DHRSX: variants seen among roughly 807,000 people sequenced by gnomAD.
DHRSX encodes the protein dehydrogenase/reductase X-linked.
DHRSX carries 31 observed loss-of-function variants against 34.0 expected under a neutral mutation model. The observed-to-expected ratio is 0.91, with a 90% CI of 0.69 to 1.23. DHRSX has a LOEUF of 1.23. Among genes scored for constraint, DHRSX ranks in the 50% most tolerant of loss-of-function variants. The pLI is 0.00. For synonymous variants in DHRSX, 201 were observed against 183.8 expected (o/e 1.09, Z -0.76); for missense variants, 414 against 428.1 (o/e 0.97, Z 0.29).
intron 1 of DHRSX, among the ~76,000 whole-genome samples, chrX:2,438,286 G>A (rs137855256): frequency 0.027 from 3,795 of 140,910 alleles, 58 homozygotes; most frequent in South Asian, 0.058. Flanking sequence ...GCTTCATATA[G>A]TTACACATTA....
rs955933400 is a variant in DHRSX at position 2,242,949 on chromosome X, G to T, written c.804+74C>A. ...CGAGATCCAAGAACCCTCCCTTGGG[G>T]TCTGGACTGGGGACCCCCTTTCCTG... On this transcript the variant is annotated intron_variant, in intron 6 of 6. Transcript: ENST00000334651. The T allele has an allele frequency of 4.1e-5, 59 of 1,450,844 alleles. No homozygotes were observed. The African/African-American group carries it at 7.8e-4, about 19-fold the overall frequency. 89.9% of individuals were successfully genotyped at this position (1,450,844 alleles called of 1,614,324 possible). A position where few individuals can be genotyped will look rare whatever the true frequency, so the allele number is the denominator to read the frequency against.
rs762541423 is a variant in DHRSX, at chrX:2,242,200, T to C, written c.804+823A>G. On this transcript the variant is annotated intron_variant, in intron 6 of 6. Coordinates refer to ENST00000334651, the MANE Select transcript of DHRSX (RefSeq NM_145177.3). ...AGGGCAATTGTATTTTGTGCGTTGA[T>C]TTTTCAGCAAACCTTCAAATGGCAA... 2.6e-5 allele frequency among the ~76,000 whole-genome samples: 4 copies of C among 152,224 alleles called. No individual in the cohort carries two copies. In the South Asian group the frequency reaches 8.3e-4, roughly 32 times the overall value.
chrX:2,348,260 G>A (rs2042745167), intron 3 of DHRSX, among the ~76,000 whole-genome samples: 1 of 152,224 alleles, frequency 6.6e-6, no homozygotes, highest in Non-Finnish European at 1.5e-5. Flanking sequence ...GTTGGACTCT[G>A]TGTTCTGGCC....
chrX:2,244,033 A>C (rs993021511), intron 5 of DHRSX, among the ~76,000 whole-genome samples: 15 of 151,872 alleles, frequency 9.9e-5, no homozygotes, highest in African/African-American at 3.6e-4. Flanking sequence ...GGCCTCCCAA[A>C]GTGCTGGGAT....
chrX:2,326,809 C>CT (rs776129131), intron 3 of DHRSX, among the ~76,000 whole-genome samples: 4,686 of 144,578 alleles, frequency 0.032, 114 homozygotes, highest in South Asian at 0.06. Context: ...TTCAGTTTTT[C>CT]TTTTTTTTTT....
intron 5 of DHRSX, among the ~76,000 whole-genome samples, chrX:2,260,597 T>C (rs1263568403): frequency 6.6e-6 from 1 of 151,972 alleles, no homozygotes; most frequent in East Asian, 1.9e-4. Context: ...GTACCTGGGA[T>C]TACAGACGCG....
At chrX:2,346,724 T>C (rs62583729) in intron 3 of DHRSX, among the ~76,000 whole-genome samples, 24,860 of 151,798 alleles carry the variant, frequency 0.16, 2,227 homozygotes, top group Admixed American at 0.21. Flanking sequence ...TAGGTATCCA[T>C]GTGCCATGGT....
chrX:2,444,330 A>C (rs1192602135), intron 1 of DHRSX, among the ~76,000 whole-genome samples: 2 of 152,172 alleles, frequency 1.3e-5, no homozygotes, highest in African/African-American at 2.4e-5. Context: ...CTAAACATTT[A>C]TATTCAGTAA....
At chrX:2,325,300 T>TA (rs1184458341) in intron 3 of DHRSX, among the ~76,000 whole-genome samples, 2 of 151,868 alleles carry the variant, frequency 1.3e-5, no homozygotes, top group African/African-American at 4.8e-5. Flanking sequence ...AACTAGGGAC[T>TA]AGACACGTTC....
chrX:2,471,472 C>A (rs868241135), intron 1 of DHRSX, among the ~76,000 whole-genome samples: 1 of 151,384 alleles, frequency 6.6e-6, no homozygotes, highest in Non-Finnish European at 1.5e-5. Context: ...GAGACTGAGG[C>A]AGAATTGCTC....
intron 1 of DHRSX, chrX:2,487,230 T>C (rs1157584863): frequency 6.6e-6 from 1 of 152,162 alleles, no homozygotes; most frequent in Non-Finnish European, 1.5e-5. Context: ...TGGTATTCAG[T>C]TTAAAAGAGA....
intron 3 of DHRSX, chrX:2,337,989 C>T (rs2042590431): frequency 7.1e-6 from 1 of 140,102 alleles, no homozygotes. Context: ...AGTTCCACCG[C>T]TGTGCCTCAG....
At chrX:2,259,413 G>C (rs1471361079) in intron 5 of DHRSX, among the ~76,000 whole-genome samples, 1 of 145,778 alleles carries the variant, frequency 6.9e-6, no homozygotes, top group Non-Finnish European at 1.5e-5. Context: ...TATAGATATA[G>C]ATATATACAA....
intron 3 of DHRSX, among the ~76,000 whole-genome samples, chrX:2,356,251 T>A (rs2042850311): frequency 6.6e-6 from 1 of 151,990 alleles, no homozygotes; most frequent in African/African-American, 2.4e-5. Flanking sequence ...GGTGGGCACC[T>A]GTAATCCCAG....
chrX:2,275,093 TTGTA>T (rs1464837698), intron 4 of DHRSX, among the ~76,000 whole-genome samples: 2 of 152,160 alleles, frequency 1.3e-5, no homozygotes, highest in African/African-American at 4.8e-5. Flanking sequence ...CTGTAGGCTT[TTGTA>T]TGTGTTTTAA....
chrX:2,496,445 C>T lies in DHRSX; in HGVS notation c.109+4372G>A, dbSNP rs760262267. On this transcript the variant is annotated intron_variant, in intron 1 of 6. Transcript: ENST00000334651. ...AACTCCTGAGCTCAGGCAATCCACC[C>T]GCCTCAGCCTCCCAAAGTGCTGGGA... 2.6e-5 allele frequency among the ~76,000 whole-genome samples: 4 copies of T among 152,210 alleles called. No individual in the cohort carries two copies. In the East Asian group the frequency reaches 5.8e-4, roughly 22 times the overall value.
intron 1 of DHRSX, among the ~76,000 whole-genome samples, chrX:2,461,279 G>A (rs1049308717): frequency 9.9e-5 from 15 of 152,128 alleles, no homozygotes; most frequent in Non-Finnish European, 1.6e-4. Flanking sequence ...GGGTAAGAAC[G>A]CACAAGCTAA....
intron 6 of DHRSX, among the ~76,000 whole-genome samples, chrX:2,232,571 A>T (rs1326028217): frequency 1.3e-5 from 2 of 150,982 alleles, no homozygotes; most frequent in Non-Finnish European, 2.9e-5. Flanking sequence ...AAGAATCAGC[A>T]TTTTTTTTTA....
intron 1 of DHRSX, among the ~76,000 whole-genome samples, chrX:2,444,330 AT>A (rs2034112812): frequency 6.6e-6 from 1 of 152,172 alleles, no homozygotes; most frequent in African/African-American, 2.4e-5. Context: ...CTAAACATTT[AT>A]ATTCAGTAAC....
Sources: allele counts gnomAD v4.1 joint callset (sites outside exome capture counted in the v4.1 genomes callset), GRCh38; gene constraint gnomAD v4.1.1; transcripts MANE v1.5; gene names NCBI Gene and HGNC (gene_info 2026-07-23, HGNC 2026-07-21).